The following SYCP2 variants were observed in gnomAD, a reference collection of about 807,000 sequenced individuals.
The protein encoded by SYCP2 is synaptonemal complex lateral element protein.
In SYCP2, 55 loss-of-function variants were observed where a neutral mutation model predicts 211.3. The ratio of observed to expected loss-of-function variants is 0.26; its 90% CI spans 0.21 to 0.33. The LOEUF is 0.33. SYCP2 is among the 10% of genes least tolerant of loss of function. The probability of loss-of-function intolerance (pLI) is 1.00; values close to 1 mark genes in which losing one functional copy is unlikely to be tolerated. For synonymous variants in SYCP2, 570 were observed against 555.2 expected (o/e 1.03, Z -0.37); for missense variants, 1,731 against 1,752.0 (o/e 0.99, Z 0.21).
At chr20:59,887,542 T>C (rs1292079803) in intron 24 of SYCP2, among the ~76,000 whole-genome samples, 1 of 152,142 alleles carries the variant, frequency 6.6e-6, no homozygotes, top group Non-Finnish European at 1.5e-5. Flanking sequence ...CAAATGGTAT[T>C]TCTAGTTCTA....
In SYCP2 at chr20:59,873,841, T is replaced by G. The variant is rs189657902; in HGVS notation, c.3555+15A>C. Reference sequence around the variant, plus strand: ...GATATATCTGATAAAGAGAAAAATATATATACATTCTCACCAAAAACAGTG... The same window carrying G: ...GATATATCTGATAAAGAGAAAAATAGATATACATTCTCACCAAAAACAGTG... On this transcript the variant is annotated intron_variant, in intron 35 of 44. Coordinates refer to ENST00000357552, the MANE Select transcript of SYCP2 (RefSeq NM_014258.4). The G allele has an allele frequency of 7.0e-5, 111 of 1,585,012 alleles. No individual in the cohort carries two copies. In the Admixed American group the frequency reaches 1.1e-3, roughly 15 times the overall value.
chr20:59,901,713 T>A lies in SYCP2; in HGVS notation c.1131A>T (p.Ser377=). Residue 377 remains serine (S), a synonymous_variant, in exon 16 of 45, where the codon TCA becomes TCT. Transcript: ENST00000357552. ...GKELLLYFDA[S]LEITNVTQKI... is the part of the protein sequence containing the mutation. ...TTTGAGTTACATTAGTGATTTCTAG[T>A]GATGCGTCAAAATACAAAAGCAATT... 1 of 1,606,184 alleles carries A rather than the reference T, an allele frequency of 6.2e-7. No homozygotes were observed.
Position 59,927,572 on chromosome 20 carries a change from C to T in SYCP2, c.-47+4490G>A, listed in dbSNP as rs192893029. The stretch of plus-strand genomic sequence containing the variant: ...AGAATACCCAAAAGAAGGTAATGGC[C>T]TCATGAAGAAAGGAAAAGAACCATC... On this transcript the variant is annotated intron_variant, in intron 2 of 44. Coordinates refer to ENST00000357552, the MANE Select transcript of SYCP2 (RefSeq NM_014258.4). Among the ~76,000 whole-genome samples the T allele has an allele frequency of 1.8e-3, 281 of 152,116 alleles. 1 individual carries two copies. The highest frequency in any genetic ancestry group is 3.1e-3 in the Non-Finnish European group (208 of 67,956).
At chr20:59,893,304 C>A (rs551757747) in intron 21 of SYCP2, 105 bp from the exon 22 acceptor site, 3 of 816,784 alleles carry the variant, frequency 3.7e-6, no homozygotes, top group South Asian at 1.8e-5. Flanking sequence ...TTGGGATGAA[C>A]GGATTGATCG....
intron 15 of SYCP2, 69 bp downstream of exon 15, chr20:59,907,295 G>T: frequency 9.9e-7 from 1 of 1,015,042 alleles, no homozygotes; most frequent in Non-Finnish European, 1.5e-6. Flanking sequence ...TGTTAACCCA[G>T]AAAGGATGTA....
chr20:59,890,442 A>C (rs2059883083), intron 24 of SYCP2, among the ~76,000 whole-genome samples: 1 of 152,116 alleles, frequency 6.6e-6, no homozygotes, highest in South Asian at 2.1e-4. Context: ...AGAAATACCT[A>C]ATGTAGATGA....
chr20:59,923,435 A>G (rs1412415170), intron 2 of SYCP2, among the ~76,000 whole-genome samples: 1 of 151,990 alleles, frequency 6.6e-6, no homozygotes, highest in African/African-American at 2.4e-5. Flanking sequence ...TTATTCATTT[A>G]TAAATAATAA....
rs551032557 is a variant in SYCP2 at position 59,878,448 on chromosome 20, CTTTAT to C, written c.2942-408_2942-404del. On this transcript the variant is annotated intron_variant, in intron 31 of 44. Transcript: ENST00000357552. ...TGAATTGCCAGTTTTCCTCCCTCTC[CTTTAT>C]TTTATAGAACTTTTTAAACATATAA... 4.4e-3 allele frequency among the ~76,000 whole-genome samples: 667 copies of C among 152,198 alleles called. 2 individuals are homozygous for C. Among genetic ancestry groups the C allele is most frequent in the Non-Finnish European group, 6.4e-3 (435 of 67,998 alleles).
chr20:59,912,660 C>G (rs2060353699), intron 12 of SYCP2, among the ~76,000 whole-genome samples: 1 of 152,040 alleles, frequency 6.6e-6, no homozygotes, highest in Non-Finnish European at 1.5e-5. Context: ...ATGATTGCAC[C>G]AAATGTTTTT....
chr20:59,878,575 GCTCT>G (rs1400552243), intron 31 of SYCP2, among the ~76,000 whole-genome samples: 3 of 152,008 alleles, frequency 2.0e-5, no homozygotes, highest in African/African-American at 7.2e-5. Context: ...ACTTACGTAT[GCTCT>G]CTTATACCAT....
chr20:59,880,557 AC>A, intron 30 of SYCP2, 86 bp from the exon 31 acceptor site: 4 of 695,926 alleles, frequency 5.7e-6, no homozygotes, highest in Non-Finnish European at 8.8e-6. Context: ...AACAACAACA[AC>A]AAAAAAAAAC....
In SYCP2 at chr20:59,916,481, T is replaced by C. The variant is rs1201679904; in HGVS notation, c.513+5A>G. ...AGTTTTTAAAACACAAATAAATGAC[T>C]TTACCTCTTGCTGAATACAAATATT... On this transcript the variant is annotated splice_donor_5th_base_variant and intron_variant, in intron 8 of 44. Transcript: ENST00000357552. 1.9e-6 allele frequency: 3 copies of C among 1,570,264 alleles called. No individual in the cohort carries two copies. The highest frequency in any genetic ancestry group is 2.6e-6 in the Non-Finnish European group (3 of 1,142,638).
chr20:59,883,480 G>T (rs1210277072), intron 26 of SYCP2, among the ~76,000 whole-genome samples: 1 of 152,072 alleles, frequency 6.6e-6, no homozygotes, highest in Non-Finnish European at 1.5e-5. Context: ...AAATTGTGGT[G>T]CGTGTATATA....
At chr20:59,896,635 GT>G (rs984561195) in intron 18 of SYCP2, 107 bp from the exon 19 acceptor site, 2 of 581,838 alleles carry the variant, frequency 3.4e-6, no homozygotes, top group African/African-American at 3.8e-5. Flanking sequence ...AAAGATATAT[GT>G]TTTTTAAATA....
intron 2 of SYCP2, among the ~76,000 whole-genome samples, chr20:59,926,248 C>T (rs1387239536): frequency 2.0e-5 from 3 of 152,016 alleles, no homozygotes; most frequent in Admixed American, 6.6e-5. Flanking sequence ...CTAGGGTTGC[C>T]TTAACAAAGT....
At chr20:59,884,188 T>TC (rs2059741705) in intron 26 of SYCP2, among the ~76,000 whole-genome samples, 1 of 152,094 alleles carries the variant, frequency 6.6e-6, no homozygotes, top group African/African-American at 2.4e-5. Flanking sequence ...AGCATGCTTT[T>TC]CCTTTGTTTT....
chr20:59,876,232 G>A (rs190003559), intron 33 of SYCP2, among the ~76,000 whole-genome samples: 15 of 151,360 alleles, frequency 9.9e-5, no homozygotes, highest in Admixed American at 4.0e-4. Flanking sequence ...TTAGCTGGGC[G>A]TGGTGGCGTG....
At chr20:59,893,342 A>G in intron 21 of SYCP2, 143 bp from the exon 22 acceptor site, 3 of 748,420 alleles carry the variant, frequency 4.0e-6, no homozygotes, top group Non-Finnish European at 6.4e-6. Flanking sequence ...TTAAACCCAA[A>G]CTTCTGGGGA....
chr20:59,926,591 AC>A (rs2060638339), intron 2 of SYCP2, among the ~76,000 whole-genome samples: 1 of 152,046 alleles, frequency 6.6e-6, no homozygotes, highest in Non-Finnish European at 1.5e-5. Context: ...AATGCAAAAG[AC>A]CCTATTTCCA....
Sources: allele counts gnomAD v4.1 joint callset (sites outside exome capture counted in the v4.1 genomes callset), GRCh38; gene constraint gnomAD v4.1.1; transcripts MANE v1.5; gene names NCBI Gene and HGNC (gene_info 2026-07-23, HGNC 2026-07-21).